The following FILIP1 variants were observed in gnomAD, a reference collection of about 807,000 sequenced individuals.
FILIP1 encodes the protein filamin A interacting protein 1.
FILIP1 carries 61 observed loss-of-function variants against 102.1 expected under a neutral mutation model. That is an observed-to-expected ratio of 0.60 (90% CI 0.49 to 0.74). The LOEUF (loss-of-function observed/expected upper bound fraction) is 0.74. Among genes scored for constraint, FILIP1 ranks in the 30% least tolerant of loss-of-function variants. The probability of loss-of-function intolerance (pLI) is 0.00; values close to 1 mark genes in which losing one functional copy is unlikely to be tolerated. For missense variants in FILIP1, 1,314 were observed against 1,441.2 expected (o/e 0.91, Z 1.43); for synonymous variants, 491 against 526.9 (o/e 0.93, Z 0.93).
At chr6:75,476,600 G>A (rs544097127) in intron 1 of FILIP1, among the ~76,000 whole-genome samples, 9 of 152,062 alleles carry the variant, frequency 5.9e-5, no homozygotes, top group African/African-American at 7.2e-5. Flanking sequence ...CATATTTTAC[G>A]TGCCTATTTA....
chr6:75,319,844 A>G, intron 4 of FILIP1: 1 of 423,972 alleles, frequency 2.4e-6, no homozygotes, highest in South Asian at 2.7e-5. Context: ...AAAAAAAAAG[A>G]AAAGAAAAGA....
chr6:75,414,921 A>G lies in FILIP1; in HGVS notation c.52T>C (p.Cys18Arg), dbSNP rs759427395. Residue 18 changes from cysteine to arginine, a missense_variant, in exon 2 of 6, where the codon TGT becomes CGT. By Grantham distance (180) the Cys-to-Arg change is radical (BLOSUM62 -3). Transcript: ENST00000237172. ...TTGCCGATGATGGAGGGCTTGGGAC[A>G]GGAGATATGCCCATCAGATGCACTT... ...GESASDGHIS[C>R]PKPSIIGNAG... 6 of 1,613,788 alleles carry G rather than the reference A, an allele frequency of 3.7e-6. No individual in the cohort carries two copies. Among genetic ancestry groups the G allele is most frequent in the Non-Finnish European group, 5.1e-6 (6 of 1,179,870 alleles).
intron 1 of FILIP1, among the ~76,000 whole-genome samples, chr6:75,437,828 G>A (rs1778077480): frequency 6.6e-6 from 1 of 152,114 alleles, no homozygotes; most frequent in Admixed American, 6.5e-5. Context: ...CTGGTAACTA[G>A]GCATTTCAAA....
intron 1 of FILIP1, among the ~76,000 whole-genome samples, chr6:75,417,857 A>G (rs1209620242): frequency 1.3e-5 from 2 of 152,210 alleles, no homozygotes; most frequent in African/African-American, 2.4e-5. Flanking sequence ...GTTCTTAAAC[A>G]TATGCTAATT....
chr6:75,440,129 G>C (rs1778159494), intron 1 of FILIP1, among the ~76,000 whole-genome samples: 1 of 151,880 alleles, frequency 6.6e-6, no homozygotes, highest in South Asian at 2.1e-4. Context: ...TAACTTCTGG[G>C]TTTTTTTTAT....
At chr6:75,490,104 C>T (rs1200895119) in intron 1 of FILIP1, among the ~76,000 whole-genome samples, 1 of 152,006 alleles carries the variant, frequency 6.6e-6, no homozygotes, top group Non-Finnish European at 1.5e-5. Flanking sequence ...AATGAAAACA[C>T]AGGTAGCATT....
intron 4 of FILIP1, among the ~76,000 whole-genome samples, chr6:75,317,536 C>T (rs539532535): frequency 6.6e-6 from 1 of 152,216 alleles, no homozygotes; most frequent in Admixed American, 6.5e-5. Flanking sequence ...TTGTCATTAT[C>T]CTGTCTTTGA....
chr6:75,401,697 A>T (rs1776665167), intron 2 of FILIP1, among the ~76,000 whole-genome samples: 2 of 152,162 alleles, frequency 1.3e-5, no homozygotes, highest in African/African-American at 4.8e-5. Context: ...TGTACAGCAC[A>T]GGTCTAGACC....
At chr6:75,420,158 A>C (rs1357977089) in intron 1 of FILIP1, among the ~76,000 whole-genome samples, 6 of 152,116 alleles carry the variant, frequency 3.9e-5, no homozygotes, top group African/African-American at 1.4e-4. Context: ...GAAAAGGCCA[A>C]GGAAAATATC....
chr6:75,453,840 T>C, intron 1 of FILIP1: 1 of 407,094 alleles, frequency 2.5e-6, no homozygotes, highest in Non-Finnish European at 4.9e-6. Flanking sequence ...GCTTAAAATC[T>C]AGTGGCAAAG....
chr6:75,491,485 C>T (rs191521752), intron 1 of FILIP1, among the ~76,000 whole-genome samples: 82 of 152,174 alleles, frequency 5.4e-4, no homozygotes, highest in Admixed American at 2.6e-3. Flanking sequence ...AAACCAATCT[C>T]GTGGTCATGG....
At chr6:75,359,584 T>C (rs1215487979) in intron 3 of FILIP1, among the ~76,000 whole-genome samples, 1 of 152,166 alleles carries the variant, frequency 6.6e-6, no homozygotes, top group Non-Finnish European at 1.5e-5. Context: ...ATGAAGAATA[T>C]GGAAGGCAAT....
downstream of FILIP1, among the ~76,000 whole-genome samples, chr6:75,303,924 G>A (rs1410068331): frequency 4.6e-5 from 7 of 152,128 alleles, no homozygotes; most frequent in South Asian, 2.1e-4. Flanking sequence ...TGTGCAGCAG[G>A]CCTAGAAAAC....
intron 6 of FILIP1, among the ~76,000 whole-genome samples, chr6:75,299,197 T>C (rs1404920662): frequency 6.6e-6 from 1 of 152,188 alleles, no homozygotes; most frequent in African/African-American, 2.4e-5. Flanking sequence ...CATCTCCTAC[T>C]GTCTTCATTT....
At chr6:75,372,127 C>T (rs960113979) in intron 2 of FILIP1, among the ~76,000 whole-genome samples, 2 of 152,010 alleles carry the variant, frequency 1.3e-5, no homozygotes, top group African/African-American at 4.8e-5. Context: ...CTTGGGGAGG[C>T]CAAGGTGGGT....
chr6:75,422,923 G>T (rs1582481203), intron 1 of FILIP1, among the ~76,000 whole-genome samples: 1 of 152,066 alleles, frequency 6.6e-6, no homozygotes, highest in South Asian at 2.1e-4. Context: ...GCAAATTTGA[G>T]GGATTTTCTT....
At chr6:75,449,932 T>G (rs73749478) in intron 1 of FILIP1, among the ~76,000 whole-genome samples, 4,964 of 152,208 alleles carry the variant, frequency 0.033, 154 homozygotes, top group African/African-American at 0.081. Context: ...TTATTTTATT[T>G]AAACAATTTT....
chr6:75,481,292 C>T (rs981537487), intron 1 of FILIP1, among the ~76,000 whole-genome samples: 2 of 152,160 alleles, frequency 1.3e-5, no homozygotes, highest in African/African-American at 4.8e-5. Flanking sequence ...GCCTGAAACA[C>T]GAGTCTCAAA....
chr6:75,323,802 T>G (rs984375736), intron 4 of FILIP1, among the ~76,000 whole-genome samples: 4 of 152,020 alleles, frequency 2.6e-5, no homozygotes, highest in African/African-American at 9.7e-5. Flanking sequence ...TGTCAAGAGA[T>G]GGACCTGTTG....
Sources: allele counts gnomAD v4.1 joint callset (sites outside exome capture counted in the v4.1 genomes callset), GRCh38; gene constraint gnomAD v4.1.1; transcripts MANE v1.5; gene names NCBI Gene and HGNC (gene_info 2026-07-23, HGNC 2026-07-21).